Variants in MYO5B observed in about 807,000 individuals in gnomAD.
MYO5B encodes unconventional myosin-Vb.
MYO5B carries 143 observed loss-of-function variants against 229.3 expected under a neutral mutation model. The ratio of observed to expected loss-of-function variants is 0.62; its 90% CI spans 0.54 to 0.72. MYO5B has a LOEUF of 0.72. Among genes scored for constraint, MYO5B ranks in the 30% least tolerant of loss-of-function variants. The pLI, the probability that MYO5B is intolerant of heterozygous loss-of-function variation, is 0.00. For missense variants in MYO5B, 2,321 were observed against 2,331.0 expected, an observed-to-expected ratio of 1.00 and a Z score of 0.09; for synonymous variants, 918 against 885.2, an observed-to-expected ratio of 1.04 and a Z score of -0.66.
intron 7 of MYO5B, among the ~76,000 whole-genome samples, chr18:49,990,067 G>A (rs1376969892): frequency 2.6e-5 from 4 of 152,144 alleles, no homozygotes; most frequent in African/African-American, 7.2e-5. Context: ...AAACATGCTG[G>A]TTATGATTAT....
chr18:49,827,667 C>A (rs964265496), intron 39 of MYO5B, among the ~76,000 whole-genome samples: 4 of 151,832 alleles, frequency 2.6e-5, no homozygotes, highest in African/African-American at 9.7e-5. Context: ...TGAACAGAGC[C>A]TAACAGACCT....
intron 14 of MYO5B, among the ~76,000 whole-genome samples, chr18:49,942,236 A>G (rs1021809006): frequency 6.6e-6 from 1 of 151,460 alleles, no homozygotes; most frequent in African/African-American, 2.4e-5. Context: ...TAAAAACCCT[A>G]GAAGAAAACC....
intron 1 of MYO5B, among the ~76,000 whole-genome samples, chr18:50,127,573 G>T (rs747496931): frequency 6.6e-6 from 1 of 152,160 alleles, no homozygotes; most frequent in Non-Finnish European, 1.5e-5. Flanking sequence ...CTGGTGGAGC[G>T]CATAAAAGGT....
chr18:50,102,461 A>T (rs1476246422), intron 1 of MYO5B, among the ~76,000 whole-genome samples: 1 of 152,196 alleles, frequency 6.6e-6, no homozygotes, highest in Non-Finnish European at 1.5e-5. Context: ...AAGCCAGGTA[A>T]GGAACCTCCT....
At chr18:50,065,577 CCCATGAT>C (rs1343124688) in intron 1 of MYO5B, among the ~76,000 whole-genome samples, 1 of 152,048 alleles carries the variant, frequency 6.6e-6, no homozygotes, top group Non-Finnish European at 1.5e-5. Context: ...GAAAACTGCC[CCCATGAT>C]CCACTCATCT....
chr18:49,957,644 T>A (rs2025509601), intron 12 of MYO5B, among the ~76,000 whole-genome samples: 1 of 104,998 alleles, frequency 9.5e-6, no homozygotes, highest in Non-Finnish European at 2.0e-5. Context: ...CAAGACACTG[T>A]CTCAAAACAA....
intron 9 of MYO5B, among the ~76,000 whole-genome samples, chr18:49,977,676 C>A (rs1275047360): frequency 6.6e-6 from 1 of 152,204 alleles, no homozygotes; most frequent in Non-Finnish European, 1.5e-5. Flanking sequence ...CCTGTCCCAC[C>A]TTTGCCATTG....
rs764780041 is a variant in MYO5B at position 49,863,313 on chromosome 18, A to C, written c.3858T>G (p.Asn1286Lys). 1.2e-6 allele frequency: 2 copies of C among 1,613,748 alleles called. No individual in the cohort carries two copies. The highest frequency in any genetic ancestry group is 2.7e-5 in the African/African-American group (2 of 74,932). ...LAGRNAEPNI[N>K]ARSSWPNSEK... ...CACTGTTAGGCCAACTTGATCTGGC[A>C]TTAATGTTCGGCTCCTAGAAAGCCC... is the stretch of plus-strand genomic sequence containing the variant. The change falls in exon 29 of 40, where the codon AAT (asparagine) becomes AAG (lysine). Residue 1286 changes from asparagine (N) to lysine (K), a missense_variant. Asn to Lys is a moderately conservative substitution (Grantham distance 94, BLOSUM62 0). Transcript: ENST00000285039.
chr18:50,149,236 T>C (rs1482557059), intron 1 of MYO5B, among the ~76,000 whole-genome samples: 1 of 152,078 alleles, frequency 6.6e-6, no homozygotes, highest in Non-Finnish European at 1.5e-5. Flanking sequence ...GAAGAATCAA[T>C]ATCGTGAAAA....
chr18:49,826,506 C>T lies in MYO5B; in HGVS notation c.5512G>A (p.Ala1838Thr), dbSNP rs1336307050. 6.2e-7 allele frequency: 1 copy of T among 1,614,000 alleles called. No individual in the cohort carries two copies. Among genetic ancestry groups the T allele is most frequent in the Admixed American group, 1.7e-5 (1 of 60,004 alleles). Residue 1838 changes from alanine to threonine, a missense_variant, in exon 40 of 40, where the codon GCG becomes ACG. Transcript: ENST00000285039. ...TTGAGGAATTCCAGATTGAGACACG[C>T]TGGGATGTGGATTGAGTCCATGGTT... ...SLTMDSIHIP[A>T]CLNLEFLNEV
intron 12 of MYO5B, among the ~76,000 whole-genome samples, chr18:49,959,099 A>G (rs2025527795): frequency 6.6e-6 from 1 of 151,852 alleles, no homozygotes; most frequent in Non-Finnish European, 1.5e-5. Context: ...ATCACTTCAA[A>G]TTCTCCAAGT....
chr18:50,118,996 G>A (rs2032014395), intron 1 of MYO5B, among the ~76,000 whole-genome samples: 1 of 152,064 alleles, frequency 6.6e-6, no homozygotes, highest in Non-Finnish European at 1.5e-5. Context: ...TAACCTCTCT[G>A]GTCTTGTCTC....
intron 1 of MYO5B, among the ~76,000 whole-genome samples, chr18:50,071,521 C>T (rs530687887): frequency 2.7e-4 from 41 of 152,278 alleles, no homozygotes; most frequent in South Asian, 1.0e-3. Context: ...TCTCTCCCAC[C>T]AGAAAGGCTA....
At chr18:50,168,107 T>C (rs1438857812) in intron 1 of MYO5B, among the ~76,000 whole-genome samples, 2 of 152,206 alleles carry the variant, frequency 1.3e-5, no homozygotes, top group African/African-American at 4.8e-5. Context: ...CAGCACTGCA[T>C]TGATAGATTG....
chr18:49,936,157 G>T, intron 16 of MYO5B, 95 bp downstream of exon 16: 1 of 1,042,704 alleles, frequency 9.6e-7, no homozygotes, highest in South Asian at 1.4e-5. Context: ...TCATCATGCT[G>T]AAGGCCACAG....
chr18:50,177,562 C>T (rs2144342893), intron 1 of MYO5B, among the ~76,000 whole-genome samples: 1 of 152,356 alleles, frequency 6.6e-6, no homozygotes, highest in African/African-American at 2.4e-5. Flanking sequence ...AAGTCCTGCT[C>T]TCCTTAACTG....
chr18:49,887,411 C>G (rs2024655789), intron 22 of MYO5B, among the ~76,000 whole-genome samples: 1 of 152,056 alleles, frequency 6.6e-6, no homozygotes, highest in South Asian at 2.1e-4. Context: ...TAAGGGGAAG[C>G]AACGTTTTCA....
At chr18:49,841,258 C>T in intron 35 of MYO5B, 107 bp downstream of exon 35, 1 of 1,059,646 alleles carries the variant, frequency 9.4e-7, no homozygotes, top group South Asian at 1.3e-5. Flanking sequence ...CTGAGGTCCC[C>T]AAGGGTGCTC....
intron 7 of MYO5B, among the ~76,000 whole-genome samples, chr18:49,989,349 G>A (rs576855587): frequency 6.6e-6 from 1 of 152,268 alleles, no homozygotes; most frequent in Non-Finnish European, 1.5e-5. Context: ...GAACAGCCAA[G>A]CCTCAGATGT....
Sources: gnomAD v4.1 joint callset for allele counts (sites outside exome capture counted in the v4.1 genomes callset) on GRCh38, gnomAD v4.1.1 for gene constraint, MANE v1.5 for transcripts, NCBI Gene and HGNC (gene_info 2026-07-23, HGNC 2026-07-21) for gene names.